CDK13: variants seen among roughly 807,000 people sequenced by gnomAD.
CDK13 encodes cyclin dependent kinase 13.
In CDK13, 40 loss-of-function variants were observed where a neutral mutation model predicts 137.6. The observed-to-expected ratio is 0.29, with a 90% CI of 0.23 to 0.38. CDK13 has a LOEUF of 0.38. CDK13 is among the 10% of genes least tolerant of loss of function. The probability of loss-of-function intolerance (pLI) is 1.00; values close to 1 mark genes in which losing one functional copy is unlikely to be tolerated. For synonymous variants in CDK13, 869 were observed against 760.1 expected, an observed-to-expected ratio of 1.14 and a Z score of -2.36; for missense variants, 1,704 against 1,951.8, an observed-to-expected ratio of 0.87 and a Z score of 2.39.
At chr7:40,067,208 A>C (rs1050351927) in intron 9 of CDK13, 1 of 152,246 alleles carries the variant, frequency 6.6e-6, no homozygotes, top group African/African-American at 2.4e-5. Flanking sequence ...TTGAGATTTA[A>C]ACACTGCTAG....
chr7:39,969,222 A>G, intron 1 of CDK13, among the ~76,000 whole-genome samples: 1 of 152,036 alleles, frequency 6.6e-6, no homozygotes, highest in South Asian at 2.1e-4. Context: ...CATGTTGGCC[A>G]GCTGGTCTCG....
chr7:40,037,426 G>A (rs1186359695), intron 5 of CDK13, among the ~76,000 whole-genome samples: 4 of 152,100 alleles, frequency 2.6e-5, no homozygotes, highest in East Asian at 3.9e-4. Flanking sequence ...CTTTACATGG[G>A]CCTTCCACAA....
At chr7:40,082,121 AAGG>A (rs1398693986) in intron 11 of CDK13, among the ~76,000 whole-genome samples, 1 of 152,196 alleles carries the variant, frequency 6.6e-6, no homozygotes, top group African/African-American at 2.4e-5. Flanking sequence ...TTGAGAATGT[AAGG>A]AGTTTTGTCA....
chr7:40,037,823 TA>T (rs1785518300), intron 5 of CDK13, among the ~76,000 whole-genome samples: 1 of 152,216 alleles, frequency 6.6e-6, no homozygotes, highest in African/African-American at 2.4e-5. Flanking sequence ...TATTAATTAC[TA>T]AAAAGACTAC....
chr7:40,089,085 ATGTG>A (rs140567334), intron 12 of CDK13, among the ~76,000 whole-genome samples: 1 of 148,474 alleles, frequency 6.7e-6, no homozygotes, highest in African/African-American at 2.5e-5. Flanking sequence ...ATCTCAAAAT[ATGTG>A]TGTGTGTGTG....
At position 39,950,852 on chromosome 7, in the gene CDK13, G is replaced by C. The variant is rs754354475; in HGVS notation, c.211G>C (p.Ala71Pro). Residue 71 changes from alanine to proline, a missense_variant, in exon 1 of 14, where the codon GCC (alanine) becomes CCC (proline). Around this residue, in one of 5 missense-constraint regions of CDK13, gnomAD observed 1,051 missense variants for 931.0 expected, o/e 1.13. Coordinates refer to ENST00000181839, the MANE Select transcript of CDK13 (RefSeq NM_003718.5). ...TGCTCCCGGCACGGCCGCCGCCGCA[G>C]CCGCCGCCGCCGCGGCCTCCTCCTC... ...LAAPGTAAAA[A>P]AAAAASSSCF... The C allele has an allele frequency of 7.6e-7, 1 of 1,323,126 alleles. No homozygotes were observed. Among genetic ancestry groups the C allele is most frequent in the South Asian group, 2.0e-5 (1 of 49,122 alleles). 82.0% of individuals were successfully genotyped at this position (1,323,126 alleles called of 1,614,324 possible).
chr7:40,080,911 A>G (rs1406533807), intron 11 of CDK13, among the ~76,000 whole-genome samples: 2 of 152,218 alleles, frequency 1.3e-5, no homozygotes, highest in Non-Finnish European at 2.9e-5. Context: ...TGCATACCAT[A>G]TAAAGCATAT....
intron 1 of CDK13, among the ~76,000 whole-genome samples, chr7:39,975,184 C>CA: frequency 6.6e-6 from 1 of 152,000 alleles, no homozygotes; most frequent in East Asian, 1.9e-4. Context: ...GAGGCCGAGG[C>CA]AGGAGGGTCA....
chr7:40,045,052 C>A (rs112771913), intron 5 of CDK13, among the ~76,000 whole-genome samples: 1 of 152,042 alleles, frequency 6.6e-6, no homozygotes, highest in East Asian at 1.9e-4. Context: ...GCAAGTTTAC[C>A]GAGAGTTCTT....
At chr7:40,037,060 C>A (rs1207805143) in intron 5 of CDK13, among the ~76,000 whole-genome samples, 1 of 152,162 alleles carries the variant, frequency 6.6e-6, no homozygotes, top group Non-Finnish European at 1.5e-5. Context: ...GAGTAGACTG[C>A]ATTTTCAATT....
chr7:39,986,174 T>C (rs914635974), intron 1 of CDK13: 2 of 152,338 alleles, frequency 1.3e-5, no homozygotes, highest in African/African-American at 4.8e-5. Context: ...CAATTTCTTA[T>C]CTGTTAACTA....
At chr7:39,999,209 G>T (rs1412745645) in intron 3 of CDK13, 152 bp from the exon 4 acceptor site, 1 of 515,948 alleles carries the variant, frequency 1.9e-6, no homozygotes, top group Non-Finnish European at 3.3e-6. Context: ...TACCAAATCA[G>T]TGTTACTTGT....
chr7:40,043,141 A>G (rs1785651772), intron 5 of CDK13, among the ~76,000 whole-genome samples: 2 of 152,168 alleles, frequency 1.3e-5, no homozygotes, highest in Non-Finnish European at 2.9e-5. Context: ...ATTTTCATTT[A>G]ATGAATTGAA....
chr7:40,087,546 G>GTTTTTT (rs35686770), intron 11 of CDK13, among the ~76,000 whole-genome samples: 15 of 112,040 alleles, frequency 1.3e-4, no homozygotes, highest in African/African-American at 5.5e-4. Flanking sequence ...CAATAGTGGT[G>GTTTTTT]TTTTTTTTTT....
intron 1 of CDK13, among the ~76,000 whole-genome samples, chr7:39,970,740 C>T (rs1451419925): frequency 6.6e-6 from 1 of 152,222 alleles, no homozygotes; most frequent in African/African-American, 2.4e-5. Flanking sequence ...GGATTACAGG[C>T]ATGAGCCACT....
At chr7:39,975,395 G>A in intron 1 of CDK13, among the ~76,000 whole-genome samples, 1 of 152,068 alleles carries the variant, frequency 6.6e-6, no homozygotes, top group Non-Finnish European at 1.5e-5. Flanking sequence ...CTGGGCAACA[G>A]AGTGAGACCC....
intron 1 of CDK13, among the ~76,000 whole-genome samples, chr7:39,954,288 A>G (rs572262194): frequency 6.6e-6 from 1 of 152,340 alleles, no homozygotes; most frequent in Non-Finnish European, 1.5e-5. Flanking sequence ...AGTTGATTGG[A>G]AAAATCTAAA....
At chr7:40,085,376 A>C (rs1786766606) in intron 11 of CDK13, among the ~76,000 whole-genome samples, 1 of 152,114 alleles carries the variant, frequency 6.6e-6, no homozygotes, top group African/African-American at 2.4e-5. Context: ...CTCAAAAAAA[A>C]AAAAAGGAAA....
chr7:40,007,713 C>T (rs1784821390), intron 5 of CDK13, among the ~76,000 whole-genome samples: 1 of 152,206 alleles, frequency 6.6e-6, no homozygotes, highest in Non-Finnish European at 1.5e-5. Context: ...CAGGCATGAA[C>T]CACCGCGCCC....
Sources: gnomAD v4.1 joint callset for allele counts (sites outside exome capture counted in the v4.1 genomes callset) on GRCh38, gnomAD v4.1.1 for gene constraint, gnomAD v4.1.1 regional missense constraint, MANE v1.5 for transcripts, NCBI Gene and HGNC (gene_info 2026-07-23, HGNC 2026-07-21) for gene names.